The following CHCHD3 variants were observed in gnomAD, a reference collection of about 807,000 sequenced individuals.
CHCHD3 encodes the protein MICOS complex subunit MIC19.
Under a neutral mutation model 38.2 loss-of-function variants are expected in CHCHD3, and 20 were observed. That is an observed-to-expected ratio of 0.52 (90% confidence interval 0.37 to 0.76). CHCHD3 has a LOEUF of 0.76. CHCHD3 is among the 30% of genes least tolerant of loss of function. CHCHD3 has a pLI of 0.00. For missense variants in CHCHD3, 245 were observed against 279.2 expected (o/e 0.88, Z 0.87); for synonymous variants, 82 against 100.0 (o/e 0.82, Z 1.07).
chr7:133,033,955 A>AT (rs35424067), intron 2 of CHCHD3, among the ~76,000 whole-genome samples: 71,458 of 151,814 alleles, frequency 0.47, 17,858 homozygotes, highest in African/African-American at 0.64. Flanking sequence ...GGTCTCTGTG[A>AT]GATATCACAA....
In CHCHD3 at chr7:132,842,623, T is replaced by C. The variant is rs116910143; in HGVS notation, c.454-4154A>G. The stretch of plus-strand genomic sequence containing the variant: ...TGTAACAGTTCCTCAGTCTTCCTTC[T>C]CTGTTATGACCTTGACACTTCTGAA... On this transcript the variant is annotated intron_variant, in intron 5 of 7. Coordinates refer to ENST00000262570, the MANE Select transcript of CHCHD3 (RefSeq NM_017812.4). Among the ~76,000 whole-genome samples the C allele has an allele frequency of 2.4e-4, 37 of 152,308 alleles. No homozygotes were observed. In the East Asian group the frequency reaches 4.0e-3, roughly 17 times the overall value.
intron 3 of CHCHD3, chr7:133,022,447 A>G (rs1355110570): frequency 6.6e-6 from 3 of 456,600 alleles, no homozygotes; most frequent in African/African-American, 2.0e-5. Context: ...AGTTGCTGCT[A>G]AAAGACTGCA....
At chr7:133,073,882 A>G (rs1193429720) in intron 1 of CHCHD3, among the ~76,000 whole-genome samples, 1 of 152,088 alleles carries the variant, frequency 6.6e-6, no homozygotes, top group African/African-American at 2.4e-5. Context: ...TTTCCTTAAT[A>G]TTACATATCC....
intron 5 of CHCHD3, among the ~76,000 whole-genome samples, chr7:132,852,318 G>C (rs908425567): frequency 5.3e-5 from 8 of 152,162 alleles, no homozygotes; most frequent in Admixed American, 5.2e-4. Flanking sequence ...ATTGGACAGA[G>C]AGCTCCAAAC....
At chr7:132,804,869 C>CA (rs1806874856) in intron 6 of CHCHD3, among the ~76,000 whole-genome samples, 1 of 152,162 alleles carries the variant, frequency 6.6e-6, no homozygotes. Context: ...CTTTAAGTGT[C>CA]AGAGTGCTAA....
intron 5 of CHCHD3, among the ~76,000 whole-genome samples, chr7:132,838,802 C>T (rs1807862408): frequency 6.6e-6 from 1 of 152,136 alleles, no homozygotes; most frequent in Non-Finnish European, 1.5e-5. Flanking sequence ...TCAAAGGATG[C>T]CTGAGATCAA....
intron 6 of CHCHD3, among the ~76,000 whole-genome samples, chr7:132,820,443 G>A (rs1458484655): frequency 6.6e-6 from 1 of 152,036 alleles, no homozygotes; most frequent in African/African-American, 2.4e-5. Flanking sequence ...TGGAAGGGAG[G>A]GAGGCTTCTC....
Position 132,809,108 on chromosome 7 carries a change from C to A in CHCHD3, c.525-12531G>T, listed in dbSNP as rs554462710. On this transcript the variant is annotated intron_variant, in intron 6 of 7. Transcript: ENST00000262570. ...GGGACTACAGGCGTGTACCACCACA[C>A]TTGGCTAATTTTTGTGATTTTTTTT... 2.0e-5 allele frequency among the ~76,000 whole-genome samples: 3 copies of A among 150,294 alleles called. No homozygotes were observed. In the South Asian group the frequency reaches 6.5e-4, roughly 32 times the overall value.
chr7:132,813,007 T>C (rs929656626), intron 6 of CHCHD3, among the ~76,000 whole-genome samples: 2 of 108 alleles, frequency 0.019, no homozygotes, highest in Admixed American at 0.071. Flanking sequence ...CATGCTCTCA[T>C]AGCATTGACA....
intron 4 of CHCHD3, among the ~76,000 whole-genome samples, chr7:132,930,497 C>A (rs1281120689): frequency 1.3e-5 from 2 of 152,232 alleles, no homozygotes; most frequent in South Asian, 4.1e-4. Flanking sequence ...CCAACCTCAG[C>A]AATGTCTCCC....
intron 1 of CHCHD3, among the ~76,000 whole-genome samples, chr7:133,074,212 A>C (rs1423448839): frequency 6.6e-6 from 1 of 152,236 alleles, no homozygotes. Flanking sequence ...GCCAGGCACT[A>C]ATCAAGGCCC....
intron 1 of CHCHD3, among the ~76,000 whole-genome samples, chr7:133,081,035 G>T (rs1815156990): frequency 1.3e-5 from 2 of 152,082 alleles, no homozygotes; most frequent in Non-Finnish European, 2.9e-5. Flanking sequence ...AGTTAGTGCT[G>T]GTATACTGAC....
chr7:132,798,451 G>C (rs2117032081), intron 6 of CHCHD3, among the ~76,000 whole-genome samples: 1 of 152,254 alleles, frequency 6.6e-6, no homozygotes, highest in Admixed American at 6.5e-5. Flanking sequence ...TATAGGCACA[G>C]ATACCACTAA....
chr7:133,065,006 C>A (rs1049258864), intron 2 of CHCHD3, among the ~76,000 whole-genome samples: 1 of 152,020 alleles, frequency 6.6e-6, no homozygotes, highest in East Asian at 1.9e-4. Flanking sequence ...ACAATCAGCA[C>A]CCAAAATTGA....
At chr7:132,999,540 C>G (rs1248260233) in intron 3 of CHCHD3, among the ~76,000 whole-genome samples, 1 of 152,038 alleles carries the variant, frequency 6.6e-6, no homozygotes, top group Non-Finnish European at 1.5e-5. Flanking sequence ...TATTCTGTTT[C>G]TATAAAGGAG....
chr7:133,051,830 T>TC (rs1301895120), intron 2 of CHCHD3, among the ~76,000 whole-genome samples: 2 of 152,172 alleles, frequency 1.3e-5, no homozygotes, highest in African/African-American at 2.4e-5. Context: ...AAATGTTTTG[T>TC]CCAAGTATAA....
At chr7:132,982,637 T>C (rs987938763) in intron 3 of CHCHD3, among the ~76,000 whole-genome samples, 27 of 152,246 alleles carry the variant, frequency 1.8e-4, no homozygotes, top group Non-Finnish European at 3.1e-4. Context: ...TAGCATTTAT[T>C]ATGCTTACTC....
In CHCHD3 at chr7:132,788,592, A is replaced by G. The variant is rs751874659; in HGVS notation, c.661-2932T>C. ...AGATGGGTAATTTTTCAGCCAAATCATATCATGCTAAGAATGTTAGGCTCT... is the reference window on the plus strand; with the variant it reads ...AGATGGGTAATTTTTCAGCCAAATCGTATCATGCTAAGAATGTTAGGCTCT... On this transcript the variant is annotated intron_variant, in intron 7 of 7. Transcript: ENST00000262570. This position sits in a 1 kb window ranked among gnomAD's most constrained non-coding sequence, Gnocchi z 4.0. Among the ~76,000 whole-genome samples, 2 of 152,248 alleles carry G rather than the reference A, an allele frequency of 1.3e-5. No homozygotes were observed. The highest frequency in any genetic ancestry group is 2.9e-5 in the Non-Finnish European group (2 of 68,034).
intron 4 of CHCHD3, among the ~76,000 whole-genome samples, chr7:132,965,272 A>G (rs1811432902): frequency 6.6e-6 from 1 of 152,120 alleles, no homozygotes. Context: ...ATTGTGCCCA[A>G]AATAAGATCA....
Sources: allele counts gnomAD v4.1 joint callset (sites outside exome capture counted in the v4.1 genomes callset), GRCh38; gene constraint gnomAD v4.1.1; non-coding constraint Gnocchi (gnomAD v3.1); transcripts MANE v1.5; gene names NCBI Gene and HGNC (gene_info 2026-07-23, HGNC 2026-07-21).